AATK: variants seen among roughly 807,000 people sequenced by gnomAD.
The protein encoded by AATK is lemur tail kinase 1.
A neutral mutation model predicts 114.3 loss-of-function variants in AATK; 91 were observed. That is an observed-to-expected ratio of 0.80 (90% confidence interval 0.67 to 0.95). The LOEUF is 0.95. Among genes scored for constraint, AATK ranks in the 40% least tolerant of loss-of-function variants. The pLI, the probability that AATK is intolerant of heterozygous loss-of-function variation, is 0.00. For synonymous variants in AATK, 1,075 were observed against 916.5 expected, an observed-to-expected ratio of 1.17 and a Z score of -3.12; for missense variants, 2,176 against 1,965.2, an observed-to-expected ratio of 1.11 and a Z score of -2.03.
At chr17:81,154,037 C>T (rs1267522913) in intron 1 of AATK, among the ~76,000 whole-genome samples, 1 of 152,114 alleles carries the variant, frequency 6.6e-6, no homozygotes, top group Non-Finnish European at 1.5e-5. Context: ...GATCACATCA[C>T]TGCACTCCAG....
intron 10 of AATK, 105 bp downstream of exon 10, chr17:81,123,089 A>G (rs1598908024): frequency 1.6e-6 from 2 of 1,273,022 alleles, no homozygotes; most frequent in East Asian, 3.1e-5. Context: ...AGGGGAGACC[A>G]GGCAGGGCTG....
rs554065952 is a variant in AATK at position 81,123,411 on chromosome 17, C to A, written c.963-68G>T. ...CACAGCAAGGACCGCGCAGGATCCCCGGGGCGCCGAATGGGGCAGCTCCCG... is the reference window on the plus strand; with the variant it reads ...CACAGCAAGGACCGCGCAGGATCCCAGGGGCGCCGAATGGGGCAGCTCCCG... On this transcript the variant is annotated intron_variant, in intron 9 of 13. Transcript: ENST00000326724. The A allele has an allele frequency of 3.1e-6, 4 of 1,289,536 alleles. No homozygotes were observed. In the East Asian group the frequency reaches 1.3e-4, roughly 41 times the overall value. The allele number at this position is 1,289,536 out of a possible 1,614,324, so 79.9% of individuals were successfully genotyped here.
intron 1 of AATK, among the ~76,000 whole-genome samples, chr17:81,134,885 T>C (rs1164368940): frequency 1.3e-5 from 2 of 152,304 alleles, no homozygotes; most frequent in East Asian, 1.9e-4. Flanking sequence ...GAAGGGAACA[T>C]GGACTCTGTC....
At chr17:81,140,888 C>CGTGAGCT (rs1729830420) in intron 1 of AATK, among the ~76,000 whole-genome samples, 1 of 72,602 alleles carries the variant, frequency 1.4e-5, no homozygotes, top group Admixed American at 1.6e-4. Context: ...CCGTGGGGAC[C>CGTGAGCT]GTGAGCTGTG....
At chr17:81,124,208 G>T (rs990558513) in intron 9 of AATK, among the ~76,000 whole-genome samples, 1 of 152,102 alleles carries the variant, frequency 6.6e-6, no homozygotes, top group Non-Finnish European at 1.5e-5. Flanking sequence ...GGCAGGGAGG[G>T]GCGCCCACCC....
At chr17:81,125,754 C>T (rs1471360543) in intron 7 of AATK, 2 of 373,800 alleles carry the variant, frequency 5.4e-6, no homozygotes, top group African/African-American at 2.2e-5. Context: ...ACATAAAACC[C>T]ATGTCTGCGT....
At chr17:81,139,372 C>T (rs1312752358) in intron 1 of AATK, among the ~76,000 whole-genome samples, 1 of 152,234 alleles carries the variant, frequency 6.6e-6, no homozygotes, top group African/African-American at 2.4e-5. Context: ...CGCACTCTTC[C>T]CAAATACGAG....
chr17:81,134,549 A>C, intron 1 of AATK, 48 bp from the exon 2 acceptor site: 1 of 1,583,506 alleles, frequency 6.3e-7, no homozygotes, highest in East Asian at 2.3e-5. Flanking sequence ...AGGGCCGGCC[A>C]GGCCCCTGCC....
Position 81,118,527 on chromosome 17 carries a change from TGGCCCACATACAGGCCG to T in AATK, c.4085-102_4085-86del, listed in dbSNP as rs1372618415. The T allele has an allele frequency of 6.3e-6, 9 of 1,432,730 alleles. No individual in the cohort carries two copies. The Admixed American group carries it at 1.7e-4, about 27-fold the overall frequency. 88.8% of individuals were successfully genotyped at this position (1,432,730 alleles called of 1,614,324 possible). The stretch of plus-strand genomic sequence containing the variant: ...GCAACTCCCACCTGGCCTCCATCCC[TGGCCCACATACAGGCCG>T]GGCCCCTTCCCTGCAGCAGATCTGG... On this transcript the variant is annotated intron_variant, in intron 13 of 13. Transcript: ENST00000326724.
chr17:81,138,104 A>G (rs956751441), intron 1 of AATK, among the ~76,000 whole-genome samples: 1 of 148,302 alleles, frequency 6.7e-6, no homozygotes, highest in African/African-American at 2.5e-5. Flanking sequence ...GCGGACACAT[A>G]CGTGTGCACA....
At chr17:81,139,628 C>T (rs1300522871) in intron 1 of AATK, among the ~76,000 whole-genome samples, 1 of 151,542 alleles carries the variant, frequency 6.6e-6, no homozygotes, top group East Asian at 1.9e-4. Flanking sequence ...CCCTGGTCCT[C>T]CCGCAGGCCT....
At chr17:81,163,812 C>A (rs1442027278) in intron 1 of AATK, among the ~76,000 whole-genome samples, 2 of 152,268 alleles carry the variant, frequency 1.3e-5, no homozygotes, top group Non-Finnish European at 1.5e-5. Flanking sequence ...TGGAGACTGG[C>A]ACCAGTTCCT....
At chr17:81,125,050 AGGGTG>A in intron 7 of AATK, 36 bp from the exon 8 acceptor site, 1 of 1,238,788 alleles carries the variant, frequency 8.1e-7, no homozygotes. Flanking sequence ...CAGGGTGAGC[AGGGTG>A]AGCAGGGTGT....
intron 6 of AATK, among the ~76,000 whole-genome samples, chr17:81,127,275 C>CCA (rs1555695275): frequency 2.0e-5 from 3 of 151,830 alleles, no homozygotes; most frequent in Non-Finnish European, 4.4e-5. Context: ...TGCCCCCCCC[C>CCA]AGTTGGCCCA....
At position 81,122,011 on chromosome 17, in the gene AATK, G is replaced by A. The variant is rs779399465; in HGVS notation, c.1925C>T (p.Pro642Leu). Residue 642 changes from proline (P) to leucine (L), a missense_variant, in exon 11 of 14, where the codon CCA becomes CTA. Physicochemically the swap from Pro to Leu is moderately conservative, Grantham distance 98 (BLOSUM62 -3). Transcript: ENST00000326724. Reference sequence around the variant, plus strand: ...GCTCCCCAAAGGGGACGTGCCCAGTGGGTCCTCGAAGAAGGCAGGACAGAA... The same window carrying A: ...GCTCCCCAAAGGGGACGTGCCCAGTAGGTCCTCGAAGAAGGCAGGACAGAA... ...AAFCPAFFEDPLGTSPLGSSG... is the reference protein window; with the variant it reads ...AAFCPAFFEDLLGTSPLGSSG... The A allele has an allele frequency of 6.9e-6, 11 of 1,601,340 alleles. No homozygotes were observed. The highest frequency in any genetic ancestry group is 6.6e-5 in the South Asian group (6 of 90,988).
At position 81,146,201 on chromosome 17, in the gene AATK, A is replaced by G. The variant is rs191284387; in HGVS notation, c.56-11700T>C. On this transcript the variant is annotated intron_variant, in intron 1 of 13. Coordinates refer to ENST00000326724, the MANE Select transcript of AATK (RefSeq NM_001080395.3). Reference sequence around the variant, plus strand: ...GAGACTCCATATTAAAAAAAAAAAAAAAAGAAAAAATTAGCTGGGCGTGGT... The same window carrying G: ...GAGACTCCATATTAAAAAAAAAAAAGAAAGAAAAAATTAGCTGGGCGTGGT... Among the ~76,000 whole-genome samples, 48 of 151,162 alleles carry G rather than the reference A, an allele frequency of 3.2e-4. 2 individuals are homozygous for G. The highest frequency in any genetic ancestry group is 9.5e-4 in the African/African-American group (39 of 41,154).
Position 81,122,488 on chromosome 17 carries a change from G to C in AATK, c.1448C>G (p.Ala483Gly). The change falls in exon 11 of 14, where the codon GCG becomes GGG. Residue 483 changes from alanine to glycine, a missense_variant. Physicochemically the swap from Ala to Gly is moderately conservative, Grantham distance 60. Coordinates refer to ENST00000326724, the MANE Select transcript of AATK (RefSeq NM_001080395.3). Reference protein sequence around the residue: ...RGLNFEYKWEAGRGAEAFPAT... With the variant: ...RGLNFEYKWEGGRGAEAFPAT... ...CGGGAAGGCCTCCGCGCCGCGGCCC[G>C]CCTCCCACTTGTACTCAAAATTGAG... The C allele has an allele frequency of 6.9e-7, 1 of 1,458,688 alleles. No individual in the cohort carries two copies. 90.4% of individuals were successfully genotyped at this position (1,458,688 alleles called of 1,614,324 possible).
Position 81,124,916 on chromosome 17 carries a change from C to A in AATK, c.840+14G>T. 1 of 1,563,464 alleles carries A rather than the reference C, an allele frequency of 6.4e-7. No homozygotes were observed. Among genetic ancestry groups the A allele is most frequent in the Middle Eastern group, 1.7e-4 (1 of 5,972 alleles). ...GCCCCTCATGCCCAGCCCAGCCCAC[C>A]CCACCCCACTCACTCTGTACTTGCA... On this transcript the variant is annotated intron_variant, in intron 8 of 13. Transcript: ENST00000326724.
rs1027811301 is a variant in AATK, at chr17:81,126,268, C to T, written c.755+159G>A. ...CATTGTCTTCCCAATTTTTCAAAAA[C>T]GTCATAAAATCCCTCTGCATAGTGG... On this transcript the variant is annotated intron_variant, in intron 7 of 13. Transcript: ENST00000326724. This position sits in a 1 kb window ranked among gnomAD's most constrained non-coding sequence, Gnocchi z 5.1. Among the ~76,000 whole-genome samples, 4 of 152,210 alleles carry T rather than the reference C, an allele frequency of 2.6e-5. No homozygotes were observed. The East Asian group carries it at 7.7e-4, about 29-fold the overall frequency.
Sources: gnomAD v4.1 joint callset for allele counts (sites outside exome capture counted in the v4.1 genomes callset) on GRCh38, gnomAD v4.1.1 for gene constraint, Gnocchi (gnomAD v3.1) non-coding constraint, MANE v1.5 for transcripts, NCBI Gene and HGNC (gene_info 2026-07-23, HGNC 2026-07-21) for gene names.